NDE1: variants seen among roughly 807,000 people sequenced by gnomAD.
The protein encoded by NDE1 is nuclear distribution protein nudE homolog 1.
NDE1 carries 28 observed loss-of-function variants against 43.4 expected under a neutral mutation model. The observed-to-expected ratio is 0.65, with a 90% CI of 0.48 to 0.89. The LOEUF is 0.89. Among genes scored for constraint, NDE1 ranks in the 40% least tolerant of loss-of-function variants. NDE1 has a pLI of 0.00. For synonymous variants in NDE1, 184 were observed against 172.0 expected (o/e 1.07, Z -0.55); for missense variants, 441 against 434.1 (o/e 1.02, Z -0.14).
upstream of NDE1, chr16:15,650,119 C>A (rs566708858): frequency 1.3e-5 from 2 of 152,802 alleles, no homozygotes; most frequent in Non-Finnish European, 2.9e-5. Context: ...AGTTTCCAAA[C>A]GACGCTGCTC....
At chr16:15,670,055 C>T (rs2037513605) in intron 3 of NDE1, among the ~76,000 whole-genome samples, 1 of 152,180 alleles carries the variant, frequency 6.6e-6, no homozygotes, top group Admixed American at 6.5e-5. Context: ...GCTTCATAAA[C>T]ATCCGACAGG....
In NDE1 at chr16:15,715,333, T is replaced by C. The variant is rs2040067585; in HGVS notation, c.948-8858T>C. 4 of 1,550,244 alleles carry C rather than the reference T, an allele frequency of 2.6e-6. No homozygotes were observed. In the Admixed American group the frequency reaches 5.0e-5, roughly 19 times the overall value. On this transcript the variant is annotated intron_variant, in intron 8 of 8. Transcript: ENST00000396354. ...AGGGTGGCACCCCTTGTAGCTGGTG[T>C]GTCACCTGGAGGTGGCATCTTGAGT...
At chr16:15,691,581 G>T (rs2038756372) in intron 6 of NDE1, among the ~76,000 whole-genome samples, 1 of 152,086 alleles carries the variant, frequency 6.6e-6, no homozygotes, top group African/African-American at 2.4e-5. Flanking sequence ...GCAGCTACGA[G>T]GATTGGCCCT....
chr16:15,684,489 A>G (rs2038334610), intron 4 of NDE1: 1 of 149,938 alleles, frequency 6.7e-6, no homozygotes, highest in African/African-American at 2.5e-5. Context: ...GCTACTTGGG[A>G]GGCTGAGACA....
chr16:15,721,281 C>T (rs1040416249), intron 8 of NDE1: 3 of 1,074,962 alleles, frequency 2.8e-6, no homozygotes, highest in Non-Finnish European at 4.2e-6. Context: ...CCAGCCCCTG[C>T]ACCAGTCCAA....
intron 1 of NDE1, among the ~76,000 whole-genome samples, chr16:15,664,140 G>C (rs1727669587): frequency 1.3e-5 from 2 of 151,982 alleles, no homozygotes. Flanking sequence ...CCCTCCACCA[G>C]ACTGTGAGGC....
chr16:15,706,623 C>G (rs1460615322), intron 8 of NDE1, among the ~76,000 whole-genome samples: 1 of 151,948 alleles, frequency 6.6e-6, no homozygotes, highest in Non-Finnish European at 1.5e-5. Context: ...AGGAGAATTG[C>G]TTGAACCCAG....
At chr16:15,661,894 A>G (rs1387233046) in intron 1 of NDE1, among the ~76,000 whole-genome samples, 1 of 151,804 alleles carries the variant, frequency 6.6e-6, no homozygotes, top group African/African-American at 2.4e-5. Flanking sequence ...TTTGCCTTCT[A>G]AATATTTTTG....
chr16:15,651,373 TA>T (rs1406900984), intron 1 of NDE1: 1 of 151,732 alleles, frequency 6.6e-6, no homozygotes, highest in African/African-American at 2.4e-5. Context: ...CAGCTACTCC[TA>T]AAGCCTCTTG....
At chr16:15,719,185 G>C in intron 8 of NDE1, 1 of 1,598,948 alleles carries the variant, frequency 6.3e-7, no homozygotes, top group South Asian at 1.1e-5. Flanking sequence ...CCCATCCTCT[G>C]CTTCAGAGCC....
At position 15,677,990 on chromosome 16, in the gene NDE1, C is replaced by G. The variant is rs62036933; in HGVS notation, c.386+41C>G. 0.08 allele frequency: 129,608 copies of G among 1,611,910 alleles called. 6,256 individuals are homozygous for G. Among genetic ancestry groups the G allele is most frequent in the East Asian group, 0.24 (10,680 of 44,850 alleles). On this transcript the variant is annotated intron_variant, in intron 4 of 8. Coordinates refer to ENST00000396354, the MANE Select transcript of NDE1 (RefSeq NM_017668.3). ...AAAAGCACGAGTGGGAGACTCTCCT[C>G]TCTGCTTTTTGTCCCCAGCAGCTGG...
intron 4 of NDE1, chr16:15,684,158 G>C (rs2038316900): frequency 6.6e-6 from 1 of 152,174 alleles, no homozygotes; most frequent in African/African-American, 2.4e-5. Context: ...TTGTACCCGA[G>C]AGGCGGAGGT....
chr16:15,698,105 T>C (rs1273975558), intron 8 of NDE1, among the ~76,000 whole-genome samples: 1 of 152,126 alleles, frequency 6.6e-6, no homozygotes, highest in Non-Finnish European at 1.5e-5. Context: ...ACCAGCCCTT[T>C]TTTTTCTTTT....
intron 8 of NDE1, among the ~76,000 whole-genome samples, chr16:15,704,528 T>C (rs1382813977): frequency 1.3e-5 from 2 of 152,228 alleles, no homozygotes; most frequent in African/African-American, 2.4e-5. Flanking sequence ...TCATAGCCCA[T>C]GGGGCAGAGT....
chr16:15,666,809 A>G (rs1025309837), intron 2 of NDE1, among the ~76,000 whole-genome samples: 1 of 152,120 alleles, frequency 6.6e-6, no homozygotes, highest in African/African-American at 2.4e-5. Context: ...ATTTCTGTAG[A>G]GATGAGGTCT....
intron 7 of NDE1, 149 bp from the exon 8 acceptor site, chr16:15,696,560 C>T (rs563078527): frequency 2.0e-4 from 282 of 1,418,898 alleles, no homozygotes; most frequent in Non-Finnish European, 2.5e-4. Context: ...CTGGCATATA[C>T]GTTGGATTCC....
chr16:15,682,390 G>A (rs553968566), intron 4 of NDE1, among the ~76,000 whole-genome samples: 1 of 152,298 alleles, frequency 6.6e-6, no homozygotes, highest in African/African-American at 2.4e-5. Context: ...ACTTGAAAAT[G>A]TTACAATTTT....
intron 4 of NDE1, among the ~76,000 whole-genome samples, chr16:15,678,952 T>C (rs1036299238): frequency 2.6e-5 from 4 of 151,902 alleles, no homozygotes; most frequent in African/African-American, 4.8e-5. Flanking sequence ...GGCGGGTGCC[T>C]GTAGTCCCAG....
At position 15,687,468 on chromosome 16, in the gene NDE1, G is replaced by A; in HGVS notation, c.480G>A (p.Glu160=). 2 of 1,614,192 alleles carry A rather than the reference G, an allele frequency of 1.2e-6. No homozygotes were observed. Among genetic ancestry groups the A allele is most frequent in the Non-Finnish European group, 1.7e-6 (2 of 1,180,038 alleles). The part of the protein sequence containing the change: ...AFLESELDEK[E]NLLESVQRLK... Reference sequence around the variant, plus strand: ...TGGAAAGTGAACTTGATGAAAAAGAGAATCTCCTGGAATCTGTTCAGAGAC... The same window carrying A: ...TGGAAAGTGAACTTGATGAAAAAGAAAATCTCCTGGAATCTGTTCAGAGAC... The change falls in exon 5 of 9, where the codon GAG becomes GAA. Residue 160 remains glutamate (E), a synonymous_variant. Coordinates refer to ENST00000396354, the MANE Select transcript of NDE1 (RefSeq NM_017668.3).
Sources: gnomAD v4.1 joint callset for allele counts (sites outside exome capture counted in the v4.1 genomes callset) on GRCh38, gnomAD v4.1.1 for gene constraint, MANE v1.5 for transcripts, NCBI Gene and HGNC (gene_info 2026-07-23, HGNC 2026-07-21) for gene names.